ZFAND6: variants seen among roughly 807,000 people sequenced by gnomAD.
ZFAND6 encodes the protein zinc finger AN1-type containing 6.
Under a neutral mutation model 24.5 loss-of-function variants are expected in ZFAND6, and 12 were observed. The ratio of observed to expected loss-of-function variants is 0.49; its 90% CI spans 0.31 to 0.79. The LOEUF (loss-of-function observed/expected upper bound fraction) is 0.79, where lower values mean the gene tolerates loss of function less well. Among genes scored for constraint, ZFAND6 ranks in the 30% least tolerant of loss-of-function variants. The pLI is 0.04. For missense variants in ZFAND6, 207 were observed against 245.9 expected (o/e 0.84, Z 1.06); for synonymous variants, 92 against 81.5 (o/e 1.13, Z -0.69).
At chr15:80,105,351 A>T (rs1277337895) in intron 2 of ZFAND6, among the ~76,000 whole-genome samples, 2 of 152,194 alleles carry the variant, frequency 1.3e-5, no homozygotes, top group Admixed American at 6.5e-5. Flanking sequence ...ACAGGTGATT[A>T]CTGTCTCTGT....
chr15:80,095,351 T>C (rs2038656086), intron 1 of ZFAND6, among the ~76,000 whole-genome samples: 1 of 152,238 alleles, frequency 6.6e-6, no homozygotes, highest in African/African-American at 2.4e-5. Context: ...AGGAGGCACA[T>C]GTCCACTTGT....
chr15:80,059,412 A>G (rs2036201734), upstream of ZFAND6, among the ~76,000 whole-genome samples: 1 of 152,226 alleles, frequency 6.6e-6, no homozygotes, highest in Non-Finnish European at 1.5e-5. Flanking sequence ...CAGAGAGGGC[A>G]GTGGAGCAAG....
chr15:80,082,076 T>G (rs952605338), intron 1 of ZFAND6, among the ~76,000 whole-genome samples: 1 of 152,210 alleles, frequency 6.6e-6, no homozygotes, highest in African/African-American at 2.4e-5. Flanking sequence ...ACCAAAATTT[T>G]GCTGGTTTAG....
chr15:80,109,691 A>T (rs571969110), intron 2 of ZFAND6, among the ~76,000 whole-genome samples: 17 of 152,318 alleles, frequency 1.1e-4, no homozygotes, highest in South Asian at 4.1e-4. Flanking sequence ...GATTTTGAGT[A>T]AGCAGGCAGT....
chr15:80,067,529 A>G (rs1049571469), intron 1 of ZFAND6, among the ~76,000 whole-genome samples: 2 of 151,298 alleles, frequency 1.3e-5, no homozygotes, highest in Admixed American at 1.3e-4. Flanking sequence ...TTTAGCATCT[A>G]TTTCTTCTTC....
chr15:80,101,020 TTC>T (rs1389613108), intron 2 of ZFAND6, among the ~76,000 whole-genome samples: 26 of 152,362 alleles, frequency 1.7e-4, no homozygotes, highest in Admixed American at 9.1e-4. Context: ...AACCTGTTTG[TTC>T]TTTGAGAGGA....
intron 1 of ZFAND6, among the ~76,000 whole-genome samples, chr15:80,091,221 A>G (rs553371811): frequency 6.2e-4 from 94 of 151,092 alleles, no homozygotes; most frequent in African/African-American, 2.0e-3. Context: ...TTCTCACCCT[A>G]TTAGGTGATT....
At chr15:80,113,417 A>G (rs1309059966) in intron 2 of ZFAND6, among the ~76,000 whole-genome samples, 2 of 152,254 alleles carry the variant, frequency 1.3e-5, no homozygotes, top group African/African-American at 4.8e-5. Context: ...GTCAGATTTA[A>G]CTGAGGTTTG....
chr15:80,088,638 T>C (rs1344984408), intron 1 of ZFAND6, among the ~76,000 whole-genome samples: 1 of 152,196 alleles, frequency 6.6e-6, no homozygotes, highest in Admixed American at 6.5e-5. Flanking sequence ...ATTTTGTGAG[T>C]TTTCTCAATT....
chr15:80,061,512 A>C (rs924270205), intron 1 of ZFAND6, among the ~76,000 whole-genome samples: 1 of 152,214 alleles, frequency 6.6e-6, no homozygotes, highest in African/African-American at 2.4e-5. Flanking sequence ...TTATCTGTGC[A>C]GTGGATTTTG....
upstream of ZFAND6, among the ~76,000 whole-genome samples, chr15:80,059,405 A>G (rs1317935797): frequency 2.0e-5 from 3 of 152,190 alleles, no homozygotes; most frequent in Non-Finnish European, 4.4e-5. Flanking sequence ...AGCGCCCCAG[A>G]GAGGGCAGTG....
At chr15:80,101,423 A>G (rs568759099) in intron 2 of ZFAND6, among the ~76,000 whole-genome samples, 1 of 152,248 alleles carries the variant, frequency 6.6e-6, no homozygotes, top group Non-Finnish European at 1.5e-5. Flanking sequence ...AAATTGCGCC[A>G]TTGCACTCCA....
At chr15:80,071,323 A>G (rs1221980544) in intron 1 of ZFAND6, among the ~76,000 whole-genome samples, 1 of 152,216 alleles carries the variant, frequency 6.6e-6, no homozygotes, top group Non-Finnish European at 1.5e-5. Context: ...CCATACATTG[A>G]AAGCATATTT....
intron 2 of ZFAND6, among the ~76,000 whole-genome samples, chr15:80,116,662 G>A (rs1015644833): frequency 2.6e-5 from 4 of 152,128 alleles, no homozygotes; most frequent in African/African-American, 7.2e-5. Context: ...AAAACTTGAC[G>A]ATAGTTTCTT....
chr15:80,102,057 A>G (rs962676234), intron 2 of ZFAND6, among the ~76,000 whole-genome samples: 7 of 152,036 alleles, frequency 4.6e-5, no homozygotes, highest in African/African-American at 7.2e-5. Flanking sequence ...CGGCCTCCCA[A>G]AGTGCTGGGA....
At chr15:80,079,252 G>T (rs183752510) in intron 1 of ZFAND6, among the ~76,000 whole-genome samples, 1 of 151,516 alleles carries the variant, frequency 6.6e-6, no homozygotes, top group African/African-American at 2.4e-5. Flanking sequence ...ACGGAGTCTC[G>T]CTCTGTCGCC....
At chr15:80,066,354 C>T (rs1295916682) in intron 1 of ZFAND6, among the ~76,000 whole-genome samples, 6 of 151,734 alleles carry the variant, frequency 4.0e-5, no homozygotes. Context: ...ACTCTGTTGC[C>T]CAGGCTGGAG....
At chr15:80,076,610 G>A (rs937772270) in intron 1 of ZFAND6, among the ~76,000 whole-genome samples, 5 of 152,120 alleles carry the variant, frequency 3.3e-5, no homozygotes, top group Admixed American at 2.0e-4. Context: ...TGGTCCCCAC[G>A]CTAAGTACTG....
chr15:80,113,863 T>A (rs2039732986), intron 2 of ZFAND6, among the ~76,000 whole-genome samples: 2 of 151,944 alleles, frequency 1.3e-5, no homozygotes, highest in Non-Finnish European at 2.9e-5. Context: ...AATGGTACAA[T>A]TAAGTGCCCC....
Sources: allele counts gnomAD v4.1 joint callset (sites outside exome capture counted in the v4.1 genomes callset), GRCh38; gene constraint gnomAD v4.1.1; transcripts MANE v1.5; gene names NCBI Gene and HGNC (gene_info 2026-07-23, HGNC 2026-07-21).